The following RPSA2 variants were observed in gnomAD, a reference collection of about 807,000 sequenced individuals.
RPSA2 encodes the protein ribosomal protein SA 2.
At chr19:23,841,223 G>A in the RPSA2 span, among the ~76,000 whole-genome samples, 1 of 151,958 alleles carries the variant, frequency 6.6e-6, no homozygotes, top group Admixed American at 6.5e-5. Flanking sequence ...TGTATTATTT[G>A]GGAGGCCGAG....
the RPSA2 span, among the ~76,000 whole-genome samples, chr19:23,868,863 A>G: frequency 6.6e-6 from 1 of 152,172 alleles, no homozygotes; most frequent in Non-Finnish European, 1.5e-5. Context: ...GGTATGGGCC[A>G]TGAGCCAGCT....
the RPSA2 span, among the ~76,000 whole-genome samples, chr19:23,857,912 C>G: frequency 6.6e-6 from 1 of 151,954 alleles, no homozygotes; most frequent in Non-Finnish European, 1.5e-5. Context: ...CTGTGTATTT[C>G]TGCGTCTTTA....
At chr19:23,758,788 T>C in the RPSA2 span, 4 of 1,613,968 alleles carry the variant, frequency 2.5e-6, no homozygotes, top group African/African-American at 1.3e-5. Context: ...TAGCTATGGA[T>C]CGCCAATACC....
At chr19:23,766,748 C>T in the RPSA2 span, among the ~76,000 whole-genome samples, 7 of 121,726 alleles carry the variant, frequency 5.8e-5, no homozygotes, top group East Asian at 1.9e-3. Flanking sequence ...GCCACCGTGC[C>T]GGGCCAAATG....
At chr19:23,772,108 CAT>C in the RPSA2 span, among the ~76,000 whole-genome samples, 1 of 152,212 alleles carries the variant, frequency 6.6e-6, no homozygotes, top group South Asian at 2.1e-4. Context: ...GACATTGTGA[CAT>C]ATATCTGCAT....
At chr19:23,790,040 C>A in the RPSA2 span, among the ~76,000 whole-genome samples, 12 of 151,982 alleles carry the variant, frequency 7.9e-5, no homozygotes, top group Admixed American at 3.3e-4. Context: ...TGCTCTGTTG[C>A]CCAGGCTGGA....
At chr19:23,860,276 C>A in the RPSA2 span, among the ~76,000 whole-genome samples, 2 of 152,198 alleles carry the variant, frequency 1.3e-5, no homozygotes, top group African/African-American at 4.8e-5. Flanking sequence ...AAACTATATT[C>A]TTTTCTCACA....
At chr19:23,810,394 C>CAA in the RPSA2 span, among the ~76,000 whole-genome samples, 360 of 13,050 alleles carry the variant, frequency 0.028, 11 homozygotes, top group African/African-American at 0.11. Flanking sequence ...ACTCCCTCTC[C>CAA]AAAAAAAAAA....
the RPSA2 span, among the ~76,000 whole-genome samples, chr19:23,856,073 G>C: frequency 1.3e-5 from 2 of 151,772 alleles, no homozygotes; most frequent in Non-Finnish European, 1.5e-5. Flanking sequence ...GGTGGGGGAG[G>C]AGTAGGTGAA....
the RPSA2 span, among the ~76,000 whole-genome samples, chr19:23,797,234 C>G: frequency 7.2e-5 from 11 of 152,214 alleles, no homozygotes; most frequent in Admixed American, 2.6e-4. Flanking sequence ...CTCAGCCTCC[C>G]AAGTAGCTAG....
chr19:23,801,086 C>G, the RPSA2 span, among the ~76,000 whole-genome samples: 2 of 152,292 alleles, frequency 1.3e-5, no homozygotes, highest in East Asian at 3.9e-4. Flanking sequence ...CTCTTTTTCT[C>G]CTCTTGCTAA....
At chr19:23,773,529 G>C in the RPSA2 span, among the ~76,000 whole-genome samples, 1 of 152,032 alleles carries the variant, frequency 6.6e-6, no homozygotes, top group African/African-American at 2.4e-5. Context: ...TGATCTGCCC[G>C]CCTCAGTCTC....
At chr19:23,768,486 T>G in the RPSA2 span, among the ~76,000 whole-genome samples, 1 of 149,758 alleles carries the variant, frequency 6.7e-6, no homozygotes, top group Non-Finnish European at 1.5e-5. Context: ...TGACACTTTC[T>G]AGAAATGTTC....
the RPSA2 span, among the ~76,000 whole-genome samples, chr19:23,805,542 G>A: frequency 2.3e-5 from 3 of 128,524 alleles, no homozygotes; most frequent in African/African-American, 8.9e-5. Flanking sequence ...TGGGCTTTCT[G>A]CCTTTAGGTG....
the RPSA2 span, among the ~76,000 whole-genome samples, chr19:23,772,589 TATC>T: frequency 6.6e-6 from 1 of 152,138 alleles, no homozygotes; most frequent in Non-Finnish European, 1.5e-5. Flanking sequence ...CCCTCCCACA[TATC>T]ATATAATGCC....
the RPSA2 span, among the ~76,000 whole-genome samples, chr19:23,865,839 G>T: frequency 1.3e-5 from 2 of 152,142 alleles, no homozygotes; most frequent in Non-Finnish European, 2.9e-5. Flanking sequence ...ATTACTAAAA[G>T]AATTAAAAAC....
At chr19:23,797,764 A>G in the RPSA2 span, among the ~76,000 whole-genome samples, 1 of 152,194 alleles carries the variant, frequency 6.6e-6, no homozygotes, top group African/African-American at 2.4e-5. Context: ...TGAACCCATG[A>G]ATTTTATATA....
At chr19:23,808,128 A>G in the RPSA2 span, among the ~76,000 whole-genome samples, 7 of 152,264 alleles carry the variant, frequency 4.6e-5, no homozygotes, top group East Asian at 1.4e-3. Flanking sequence ...TCCTGAGCGG[A>G]TCTGTGTCCT....
At chr19:23,783,141 G>C in the RPSA2 span, among the ~76,000 whole-genome samples, 1 of 151,792 alleles carries the variant, frequency 6.6e-6, no homozygotes, top group African/African-American at 2.4e-5. Flanking sequence ...TGTTGCCTAG[G>C]TTGGAGTGCA....
Sources: gnomAD v4.1 joint callset for allele counts (sites outside exome capture counted in the v4.1 genomes callset) on GRCh38, gnomAD v4.1.1 for gene constraint, MANE v1.5 for transcripts, NCBI Gene and HGNC (gene_info 2026-07-23, HGNC 2026-07-21) for gene names.